Variants in ADAMTS17 observed in about 807,000 individuals in gnomAD.
ADAMTS17 encodes the protein A disintegrin and metalloproteinase with thrombospondin motifs 17.
ADAMTS17 carries 113 observed loss-of-function variants against 141.5 expected under a neutral mutation model. The ratio of observed to expected loss-of-function variants is 0.80; its 90% CI spans 0.69 to 0.93. ADAMTS17 has a LOEUF of 0.93. Among genes scored for constraint, ADAMTS17 ranks in the 40% least tolerant of loss-of-function variants. The pLI is 0.00. For missense variants in ADAMTS17, 1,659 were observed against 1,517.9 expected (o/e 1.09, Z -1.54); for synonymous variants, 768 against 630.6 (o/e 1.22, Z -3.27).
At position 100,152,684 on chromosome 15, in the gene ADAMTS17, G is replaced by T; in HGVS notation, c.1401C>A (p.Gly467=). The T allele has an allele frequency of 6.2e-7, 1 of 1,614,230 alleles. No individual in the cohort carries two copies. The highest frequency in any genetic ancestry group is 2.2e-5 in the East Asian group (1 of 44,874). The change falls in exon 10 of 22, where the codon GGC becomes GGA. Residue 467 remains glycine (G), a synonymous_variant. Coordinates refer to ENST00000268070, the MANE Select transcript of ADAMTS17 (RefSeq NM_139057.4). ...HTVRLPHKLP[G]MHYSANEQCQ... ...ACTGCTCGTTGGCACTGTAGTGCAT[G>T]CCCGGCAGCTTGTGCGGGAGGCGTA...
At chr15:100,144,819 T>G (rs2038824939) in intron 10 of ADAMTS17, among the ~76,000 whole-genome samples, 1 of 150,928 alleles carries the variant, frequency 6.6e-6, no homozygotes, top group Non-Finnish European at 1.5e-5. Context: ...GGCCTCTCCC[T>G]CCTGCCAGGG....
intron 8 of ADAMTS17, among the ~76,000 whole-genome samples, chr15:100,177,322 C>T (rs536370817): frequency 6.8e-4 from 103 of 152,310 alleles, no homozygotes; most frequent in Middle Eastern, 3.4e-3. Flanking sequence ...CTAGCTATAT[C>T]CCACAAATTT....
rs372474769 is a variant in ADAMTS17, at chr15:100,167,158, A to G, written c.1182-11838T>C. The stretch of plus-strand genomic sequence containing the variant: ...TAACTGCTAGCACCCAGACCACACA[A>G]GCCTAAGTGAGAACCTGATTGGCTA... On this transcript the variant is annotated intron_variant, in intron 8 of 21. Coordinates refer to ENST00000268070, the MANE Select transcript of ADAMTS17 (RefSeq NM_139057.4). Among the ~76,000 whole-genome samples, 42 of 152,336 alleles carry G rather than the reference A, an allele frequency of 2.8e-4. No individual in the cohort carries two copies. The East Asian group carries it at 4.2e-3, about 15-fold the overall frequency.
intron 6 of ADAMTS17, chr15:100,256,433 C>T (rs968843125): frequency 2.0e-5 from 3 of 152,220 alleles, no homozygotes; most frequent in African/African-American, 7.2e-5. Flanking sequence ...GGACTTAATA[C>T]ATTCGTTTAT....
At chr15:100,217,273 C>A (rs1392314805) in intron 7 of ADAMTS17, among the ~76,000 whole-genome samples, 1 of 152,196 alleles carries the variant, frequency 6.6e-6, no homozygotes, top group African/African-American at 2.4e-5. Context: ...ACCCCTACTT[C>A]GCATCATACA....
intron 3 of ADAMTS17, among the ~76,000 whole-genome samples, chr15:100,304,268 C>G (rs555364476): frequency 2.0e-4 from 30 of 152,314 alleles, no homozygotes; most frequent in African/African-American, 6.7e-4. Context: ...GGACTCCTGG[C>G]TCCACTGTCT....
At chr15:100,160,741 G>A (rs1297156201) in intron 8 of ADAMTS17, among the ~76,000 whole-genome samples, 2 of 152,250 alleles carry the variant, frequency 1.3e-5, no homozygotes, top group South Asian at 2.1e-4. Context: ...CAGCCGAGTG[G>A]GATTCTTGGG....
chr15:100,052,661 C>A (rs1243522434), intron 16 of ADAMTS17, among the ~76,000 whole-genome samples: 1 of 152,166 alleles, frequency 6.6e-6, no homozygotes, highest in Non-Finnish European at 1.5e-5. Flanking sequence ...TCTCTTAGTC[C>A]CTCTGAATAA....
At chr15:100,030,308 T>G (rs1291857712) in intron 18 of ADAMTS17, among the ~76,000 whole-genome samples, 1 of 152,246 alleles carries the variant, frequency 6.6e-6, no homozygotes, top group Non-Finnish European at 1.5e-5. Context: ...CTGCCCTTAA[T>G]GTCGTAAGGA....
At position 99,976,135 on chromosome 15, in the gene ADAMTS17, C is replaced by G; in HGVS notation, c.3037G>C (p.Ala1013Pro). The change falls in exon 21 of 22, where the codon GCC (alanine) becomes CCC (proline). Residue 1013 changes from alanine (A) to proline (P), a missense_variant. By Grantham distance (27) the Ala-to-Pro change is conservative (BLOSUM62 -1). Coordinates refer to ENST00000268070, the MANE Select transcript of ADAMTS17 (RefSeq NM_139057.4). ...CTGTAGGGGGCAGGCTTCGAGAGGG[C>G]GGGGCACTCGCTGCCGTGGCGCCCT... ...VTGRHGSECPALSKPAPYRQC... is the reference protein window; with the variant it reads ...VTGRHGSECPPLSKPAPYRQC... 1.9e-6 allele frequency: 3 copies of G among 1,550,970 alleles called. No homozygotes were observed. The highest frequency in any genetic ancestry group is 2.6e-6 in the Non-Finnish European group (3 of 1,146,920).
At chr15:100,296,262 C>CT (rs5814960) in intron 3 of ADAMTS17, among the ~76,000 whole-genome samples, 6,035 of 147,348 alleles carry the variant, frequency 0.041, 148 homozygotes, top group East Asian at 0.09. Context: ...TTTGTGACCA[C>CT]TTTTTTTTTT....
chr15:100,127,110 C>T (rs2037776307), intron 12 of ADAMTS17, among the ~76,000 whole-genome samples: 1 of 152,006 alleles, frequency 6.6e-6, no homozygotes, highest in African/African-American at 2.4e-5. Context: ...ATGCTGTGGC[C>T]GAGAGCACAA....
chr15:100,190,253 C>A (rs570464930), intron 8 of ADAMTS17, among the ~76,000 whole-genome samples: 1 of 152,348 alleles, frequency 6.6e-6, no homozygotes, highest in East Asian at 1.9e-4. Context: ...CTGTGCTCTG[C>A]TCTGATGTCA....
chr15:100,188,000 C>G (rs1438642831), intron 8 of ADAMTS17, among the ~76,000 whole-genome samples: 3 of 152,060 alleles, frequency 2.0e-5, no homozygotes, highest in Non-Finnish European at 4.4e-5. Context: ...GGGAGGGGCA[C>G]TTGAGTCCAG....
chr15:100,087,502 T>C (rs1167269885), intron 15 of ADAMTS17, among the ~76,000 whole-genome samples: 1 of 152,178 alleles, frequency 6.6e-6, no homozygotes, highest in Non-Finnish European at 1.5e-5. Flanking sequence ...GCCAGCATCA[T>C]CCTGATACCA....
chr15:100,086,925 G>A (rs541194001), intron 15 of ADAMTS17, among the ~76,000 whole-genome samples: 34 of 152,134 alleles, frequency 2.2e-4, no homozygotes, highest in African/African-American at 7.0e-4. Flanking sequence ...CATCACAATT[G>A]AAAGAACCAG....
At chr15:100,324,159 G>C (rs1307722802) in intron 3 of ADAMTS17, among the ~76,000 whole-genome samples, 1 of 152,094 alleles carries the variant, frequency 6.6e-6, no homozygotes, top group African/African-American at 2.4e-5. Flanking sequence ...ACAGAAATCA[G>C]TCGGGCGTGC....
chr15:100,062,274 C>T (rs1567109513), intron 15 of ADAMTS17, among the ~76,000 whole-genome samples: 3 of 152,166 alleles, frequency 2.0e-5, no homozygotes. Flanking sequence ...GCGGCCGTCA[C>T]AGCCTCAAGG....
In ADAMTS17 at chr15:99,997,470, T is replaced by C. The variant is rs758020667; in HGVS notation, c.2711A>G (p.Tyr904Cys). 6.2e-7 allele frequency: 1 copy of C among 1,613,304 alleles called. No individual in the cohort carries two copies. Among genetic ancestry groups the C allele is most frequent in the Non-Finnish European group, 8.5e-7 (1 of 1,179,922 alleles). ...TGCCGCCGGCCGGGGGCCCGGGCAG[T>C]AGAGGGGCCGCGTAGCGACGTGTGT... Reference protein sequence around the residue: ...NGTHVATRPLYCPGPRPAAVQ... With the variant: ...NGTHVATRPLCCPGPRPAAVQ... Residue 904 changes from tyrosine (Y) to cysteine (C), a missense_variant, in exon 19 of 22, where the codon TAC (tyrosine) becomes TGC (cysteine). By Grantham distance (194) the Tyr-to-Cys change is radical (BLOSUM62 -2). Transcript: ENST00000268070. This position sits in a 1 kb window ranked among gnomAD's most constrained non-coding sequence, Gnocchi z 4.7.
Sources: allele counts gnomAD v4.1 joint callset (sites outside exome capture counted in the v4.1 genomes callset), GRCh38; gene constraint gnomAD v4.1.1; non-coding constraint Gnocchi (gnomAD v3.1); transcripts MANE v1.5; gene names NCBI Gene and HGNC (gene_info 2026-07-23, HGNC 2026-07-21).